RGS7: variants seen among roughly 807,000 people sequenced by gnomAD.
The protein encoded by RGS7 is regulator of G protein signaling 7, also known as regulator of G-protein signaling 7.
In RGS7, 27 loss-of-function variants were observed where a neutral mutation model predicts 81.1. That is an observed-to-expected ratio of 0.33 (90% CI 0.25 to 0.46). RGS7 has a LOEUF of 0.46. RGS7 is among the 20% of genes least tolerant of loss of function. The pLI, the probability that RGS7 is intolerant of heterozygous loss-of-function variation, is 1.00. For synonymous variants in RGS7, 208 were observed against 207.7 expected (o/e 1.00, Z -0.01); for missense variants, 396 against 607.4 (o/e 0.65, Z 3.66).
intron 3 of RGS7, among the ~76,000 whole-genome samples, chr1:241,088,315 G>A (rs1330511639): frequency 1.3e-5 from 2 of 151,888 alleles, no homozygotes; most frequent in Non-Finnish European, 2.9e-5. Flanking sequence ...GCTGCTTAAG[G>A]GTGAAGAGGA....
At chr1:241,121,074 T>C (rs1268848377) in intron 2 of RGS7, among the ~76,000 whole-genome samples, 2 of 152,170 alleles carry the variant, frequency 1.3e-5, no homozygotes, top group Non-Finnish European at 2.9e-5. Flanking sequence ...CACTTACTCC[T>C]TACTCCATTA....
chr1:240,959,327 T>G (rs1680964748), intron 4 of RGS7, among the ~76,000 whole-genome samples: 1 of 152,140 alleles, frequency 6.6e-6, no homozygotes, highest in Non-Finnish European at 1.5e-5. Flanking sequence ...CTTCATGGAG[T>G]ATACTTACAC....
intron 2 of RGS7, among the ~76,000 whole-genome samples, chr1:241,290,473 C>T (rs902694280): frequency 1.3e-5 from 2 of 152,182 alleles, no homozygotes; most frequent in African/African-American, 4.8e-5. Flanking sequence ...TCTCAGAGTA[C>T]AAAATAAAAA....
chr1:240,810,909 T>A (rs150807048), intron 14 of RGS7, among the ~76,000 whole-genome samples: 3 of 152,334 alleles, frequency 2.0e-5, no homozygotes, highest in African/African-American at 7.2e-5. Flanking sequence ...GGAAGCTGCA[T>A]GCCAGCAATC....
intron 2 of RGS7, among the ~76,000 whole-genome samples, chr1:241,221,003 G>GGA (rs1558203426): frequency 8.1e-5 from 4 of 49,220 alleles, no homozygotes; most frequent in Admixed American, 2.0e-4. Context: ...GGAAGAGAGA[G>GGA]AGAAAGGAAG....
At chr1:241,030,154 T>C (rs1243246271) in intron 3 of RGS7, among the ~76,000 whole-genome samples, 1 of 152,038 alleles carries the variant, frequency 6.6e-6, no homozygotes, top group Non-Finnish European at 1.5e-5. Flanking sequence ...TAGGTGTAGG[T>C]TTGCACCCCT....
intron 6 of RGS7, among the ~76,000 whole-genome samples, chr1:240,881,399 A>G (rs1329270367): frequency 3.3e-5 from 5 of 152,198 alleles, no homozygotes; most frequent in Non-Finnish European, 7.3e-5. Context: ...TACCTAATGT[A>G]AATGACGAGT....
chr1:241,215,809 A>G (rs2074514820), intron 2 of RGS7, among the ~76,000 whole-genome samples: 1 of 152,228 alleles, frequency 6.6e-6, no homozygotes, highest in Admixed American at 6.5e-5. Flanking sequence ...TTCTCTTTCT[A>G]TTTTTCCCCA....
chr1:241,259,173 G>A (rs60217192), intron 2 of RGS7, among the ~76,000 whole-genome samples: 41,722 of 151,850 alleles, frequency 0.27, 5,759 homozygotes, highest in South Asian at 0.38. Context: ...ATGAACATCC[G>A]TTCAATTTTC....
chr1:240,786,870 G>C (rs1685162455), intron 18 of RGS7, among the ~76,000 whole-genome samples: 1 of 152,096 alleles, frequency 6.6e-6, no homozygotes, highest in Non-Finnish European at 1.5e-5. Flanking sequence ...TTCAGATTGT[G>C]TTCTATATTT....
At chr1:240,796,369 T>TAAAC (rs1219286897) in intron 18 of RGS7, among the ~76,000 whole-genome samples, 1 of 152,180 alleles carries the variant, frequency 6.6e-6, no homozygotes, top group African/African-American at 2.4e-5. Context: ...TATCAACATT[T>TAAAC]AAACAATTGA....
chr1:241,186,523 A>AT lies in RGS7; in HGVS notation c.79-87762dup, dbSNP rs1226943606. 1,917 of 277,722 alleles carry AT rather than the reference A, an allele frequency of 6.9e-3. 6 individuals carry two copies. Among genetic ancestry groups the AT allele is most frequent in the African/African-American group, 0.019 (751 of 40,588 alleles). 17.2% of individuals were successfully genotyped at this position (277,722 alleles called of 1,614,324 possible). A position where few individuals can be genotyped will look rare whatever the true frequency, so the allele number is the denominator to read the frequency against. ...ACATTTCCTAACCATATATATATAT[A>AT]TTTTTTTTTTTTTTTTTTGAGACGG... On this transcript the variant is annotated intron_variant, in intron 2 of 18. Coordinates refer to ENST00000440928, the MANE Select transcript of RGS7 (RefSeq NM_001364886.1).
At chr1:240,909,650 G>A (rs755400205) in intron 6 of RGS7, among the ~76,000 whole-genome samples, 2 of 152,310 alleles carry the variant, frequency 1.3e-5, no homozygotes, top group South Asian at 2.1e-4. Flanking sequence ...GCTGGACTAC[G>A]ACAGAAGTAG....
intron 3 of RGS7, among the ~76,000 whole-genome samples, chr1:241,002,181 T>A (rs1688241795): frequency 6.6e-6 from 1 of 152,118 alleles, no homozygotes; most frequent in South Asian, 2.1e-4. Context: ...GCGGGATGGC[T>A]CATGCTGGTA....
chr1:241,151,360 A>G (rs2068735164), intron 2 of RGS7, among the ~76,000 whole-genome samples: 1 of 152,046 alleles, frequency 6.6e-6, no homozygotes, highest in Admixed American at 6.6e-5. Context: ...AAGAAAGCCC[A>G]AGTTCCTTAG....
intron 2 of RGS7, among the ~76,000 whole-genome samples, chr1:241,177,006 T>A (rs781541391): frequency 6.6e-6 from 1 of 152,222 alleles, no homozygotes; most frequent in Non-Finnish European, 1.5e-5. Flanking sequence ...AAACTGTTTA[T>A]GCAAGAAGCA....
In RGS7 at chr1:241,098,811, G is replaced by GA. The variant is rs774379091; in HGVS notation, c.79-50dup. The stretch of plus-strand genomic sequence containing the variant: ...AACCTTTATAAAGTTGAACTTTTTT[G>GA]AAAAAAAATCAGCTCTCATAACAAT... On this transcript the variant is annotated intron_variant, in intron 2 of 18. Coordinates refer to ENST00000440928, the MANE Select transcript of RGS7 (RefSeq NM_001364886.1). The GA allele has an allele frequency of 5.0e-5, 70 of 1,394,064 alleles. 1 individual carries two copies. The highest frequency in any genetic ancestry group is 2.1e-4 in the East Asian group (9 of 42,478). The allele number at this position is 1,394,064 out of a possible 1,614,324, so 86.4% of individuals were successfully genotyped here.
chr1:241,013,177 C>T (rs1156845507), intron 3 of RGS7, among the ~76,000 whole-genome samples: 2 of 151,338 alleles, frequency 1.3e-5, no homozygotes, highest in Non-Finnish European at 2.9e-5. Flanking sequence ...ATTCTCGTGC[C>T]TCAGCCTTCC....
chr1:240,903,986 T>C (rs1484544736), intron 6 of RGS7, among the ~76,000 whole-genome samples: 2 of 152,192 alleles, frequency 1.3e-5, no homozygotes, highest in African/African-American at 2.4e-5. Context: ...AATAAACCTC[T>C]TTTGTTTATA....
Sources: allele counts gnomAD v4.1 joint callset (sites outside exome capture counted in the v4.1 genomes callset), GRCh38; gene constraint gnomAD v4.1.1; transcripts MANE v1.5; gene names NCBI Gene and HGNC (gene_info 2026-07-23, HGNC 2026-07-21).